IMMP2L: variants seen among roughly 807,000 people sequenced by gnomAD.
IMMP2L encodes inner mitochondrial membrane peptidase subunit 2.
A neutral mutation model predicts 19.3 loss-of-function variants in IMMP2L; 18 were observed. That is an observed-to-expected ratio of 0.93 (90% CI 0.64 to 1.38). IMMP2L has a LOEUF of 1.38. Ranked by LOEUF, IMMP2L falls within the 40% of genes most tolerant of loss-of-function variation. The probability of loss-of-function intolerance (pLI) is 0.00; values close to 1 mark genes in which losing one functional copy is unlikely to be tolerated. For synonymous variants in IMMP2L, 76 were observed against 73.0 expected (o/e 1.04, Z -0.21); for missense variants, 233 against 218.2 (o/e 1.07, Z -0.43).
At chr7:110,817,907 T>A (rs577882843) in intron 5 of IMMP2L, among the ~76,000 whole-genome samples, 1 of 152,056 alleles carries the variant, frequency 6.6e-6, no homozygotes, top group African/African-American at 2.4e-5. Context: ...ACTGGCTAGC[T>A]GTATGTAGAA....
chr7:111,509,562 T>C (rs1845255343), intron 2 of IMMP2L, among the ~76,000 whole-genome samples: 1 of 152,280 alleles, frequency 6.6e-6, no homozygotes, highest in Admixed American at 6.5e-5. Context: ...GAATCATCAA[T>C]TTAATAGGTT....
intron 3 of IMMP2L, among the ~76,000 whole-genome samples, chr7:111,120,505 A>C (rs775969652): frequency 1.3e-5 from 2 of 152,158 alleles, no homozygotes; most frequent in African/African-American, 2.4e-5. Flanking sequence ...CATGGGAATT[A>C]TCGGAGCTAC....
intron 5 of IMMP2L, among the ~76,000 whole-genome samples, chr7:110,793,196 G>C (rs1488223228): frequency 1.3e-5 from 2 of 152,014 alleles, no homozygotes. Context: ...GAAGTGGGTG[G>C]ATCACTTGAG....
chr7:111,051,787 T>C (rs1793028916), intron 3 of IMMP2L, among the ~76,000 whole-genome samples: 1 of 152,228 alleles, frequency 6.6e-6, no homozygotes, highest in African/African-American at 2.4e-5. Context: ...GAATCATGAT[T>C]GATTCTATCA....
chr7:110,795,747 T>G (rs1800822886), intron 5 of IMMP2L, among the ~76,000 whole-genome samples: 1 of 152,106 alleles, frequency 6.6e-6, no homozygotes, highest in Admixed American at 6.6e-5. Context: ...GTCATACATC[T>G]GGGAACTGAA....
At chr7:111,535,343 G>A (rs763613105) in intron 1 of IMMP2L, among the ~76,000 whole-genome samples, 1 of 151,704 alleles carries the variant, frequency 6.6e-6, no homozygotes, top group Non-Finnish European at 1.5e-5. Flanking sequence ...AGAAAGAGGG[G>A]GAAAAAGAGG....
At chr7:111,342,564 T>C (rs527504721) in intron 3 of IMMP2L, among the ~76,000 whole-genome samples, 192 of 152,026 alleles carry the variant, frequency 1.3e-3, no homozygotes, top group African/African-American at 3.8e-3. Flanking sequence ...TGCACTCCAG[T>C]CTGGCGACAG....
At chr7:110,779,765 T>G (rs1195253458) in intron 5 of IMMP2L, among the ~76,000 whole-genome samples, 3 of 151,646 alleles carry the variant, frequency 2.0e-5, no homozygotes, top group African/African-American at 7.3e-5. Flanking sequence ...GTTAAAAGAG[T>G]TAATATTTAT....
chr7:110,952,594 A>G (rs1817945020), intron 4 of IMMP2L, among the ~76,000 whole-genome samples: 1 of 152,132 alleles, frequency 6.6e-6, no homozygotes, highest in Admixed American at 6.5e-5. Flanking sequence ...AGTGGGAAAG[A>G]AGTTTTGTCA....
chr7:111,515,658 T>C (rs1258326500), intron 2 of IMMP2L, among the ~76,000 whole-genome samples: 3 of 152,086 alleles, frequency 2.0e-5, no homozygotes, highest in African/African-American at 4.8e-5. Flanking sequence ...TTTTTAAGAG[T>C]TTTGCACTGG....
intron 3 of IMMP2L, among the ~76,000 whole-genome samples, chr7:111,368,822 T>C (rs1429126350): frequency 6.6e-6 from 1 of 151,994 alleles, no homozygotes; most frequent in Non-Finnish European, 1.5e-5. Flanking sequence ...TTTAGTATAC[T>C]GGAAAAAGTA....
chr7:110,873,429 CAAAAAAAAAAAAAAAA>C (rs60827428), intron 5 of IMMP2L, among the ~76,000 whole-genome samples: 1 of 28,958 alleles, frequency 3.5e-5, no homozygotes, highest in Non-Finnish European at 7.1e-5. Context: ...GACTCTATCT[CAAAAAAAAAAAAAAAA>C]AAAAAAAAAA....
chr7:111,508,090 G>A (rs1296522530), intron 2 of IMMP2L, among the ~76,000 whole-genome samples: 3 of 152,070 alleles, frequency 2.0e-5, no homozygotes, highest in Admixed American at 2.0e-4. Flanking sequence ...CTAAATGAAT[G>A]GGCCATCCAT....
intron 3 of IMMP2L, among the ~76,000 whole-genome samples, chr7:111,475,547 T>C (rs1378988804): frequency 6.6e-6 from 1 of 152,100 alleles, no homozygotes; most frequent in Non-Finnish European, 1.5e-5. Context: ...TAGACTATGG[T>C]ATCTTTATTT....
intron 5 of IMMP2L, among the ~76,000 whole-genome samples, chr7:110,833,142 G>C (rs1804117307): frequency 6.6e-6 from 1 of 152,132 alleles, no homozygotes; most frequent in Non-Finnish European, 1.5e-5. Context: ...GCTCTTAGAA[G>C]AGTTTTAATC....
chr7:110,969,553 G>C (rs1819923258), intron 3 of IMMP2L, among the ~76,000 whole-genome samples: 1 of 151,988 alleles, frequency 6.6e-6, no homozygotes, highest in African/African-American at 2.4e-5. Flanking sequence ...TACAGATGAA[G>C]TGGCAAGAAC....
At chr7:111,385,944 G>A (rs1451217891) in intron 3 of IMMP2L, among the ~76,000 whole-genome samples, 1 of 151,770 alleles carries the variant, frequency 6.6e-6, no homozygotes, top group East Asian at 1.9e-4. Context: ...AATAGAGGCA[G>A]GGTCTTACTC....
chr7:111,066,720 G>A (rs1794536433), intron 3 of IMMP2L, among the ~76,000 whole-genome samples: 1 of 152,134 alleles, frequency 6.6e-6, no homozygotes, highest in Admixed American at 6.5e-5. Context: ...GCTTCTGATG[G>A]GTAATCTCTA....
Position 110,757,596 on chromosome 7 carries a change from A to G in IMMP2L, c.409-93875T>C, listed in dbSNP as rs987487369. Among the ~76,000 whole-genome samples, 1 of 152,076 alleles carries G rather than the reference A, an allele frequency of 6.6e-6. No individual in the cohort carries two copies. Among genetic ancestry groups the G allele is most frequent in the Non-Finnish European group, 1.5e-5 (1 of 68,014 alleles). On this transcript the variant is annotated intron_variant, in intron 5 of 5. Transcript: ENST00000405709. This position sits in a 1 kb window ranked among gnomAD's most constrained non-coding sequence, Gnocchi z 4.2. ...AGTTCAAAGGTCACTGCTTTTCTCAAGGGAGGCCTGTCTACCCATATCTCA... is the reference window on the plus strand; with the variant it reads ...AGTTCAAAGGTCACTGCTTTTCTCAGGGGAGGCCTGTCTACCCATATCTCA...
Sources: gnomAD v4.1 joint callset for allele counts (sites outside exome capture counted in the v4.1 genomes callset) on GRCh38, gnomAD v4.1.1 for gene constraint, Gnocchi (gnomAD v3.1) non-coding constraint, MANE v1.5 for transcripts, NCBI Gene and HGNC (gene_info 2026-07-23, HGNC 2026-07-21) for gene names.